Variants in TMEM163 observed in about 807,000 individuals in gnomAD.
TMEM163 encodes transmembrane protein 163.
TMEM163 carries 17 observed loss-of-function variants against 29.3 expected under a neutral mutation model. That is an observed-to-expected ratio of 0.58 (90% CI 0.40 to 0.87). TMEM163 has a LOEUF of 0.87. Ranked by LOEUF, TMEM163 falls within the 40% of genes least tolerant of loss-of-function variation. The pLI is 0.00. For missense variants in TMEM163, 303 were observed against 381.5 expected, an observed-to-expected ratio of 0.79 and a Z score of 1.71; for synonymous variants, 157 against 160.6, an observed-to-expected ratio of 0.98 and a Z score of 0.17.
intron 2 of TMEM163, among the ~76,000 whole-genome samples, chr2:134,699,381 G>C (rs1390189740): frequency 1.3e-5 from 2 of 152,124 alleles, no homozygotes; most frequent in Admixed American, 6.5e-5. Flanking sequence ...GTACACGTCT[G>C]TAGTGCCAGC....
At chr2:134,660,927 A>G (rs1683733376) in intron 2 of TMEM163, among the ~76,000 whole-genome samples, 1 of 152,206 alleles carries the variant, frequency 6.6e-6, no homozygotes, top group African/African-American at 2.4e-5. Flanking sequence ...CCCATGGTTC[A>G]TGTGTTGAAG....
chr2:134,654,246 A>C (rs1433373062), intron 2 of TMEM163, among the ~76,000 whole-genome samples: 1 of 129,570 alleles, frequency 7.7e-6, no homozygotes, highest in East Asian at 2.0e-4. Context: ...TTGGGTGCAT[A>C]TATATTTAGG....
At chr2:134,473,031 G>A (rs1686838064) in intron 5 of TMEM163, among the ~76,000 whole-genome samples, 1 of 152,152 alleles carries the variant, frequency 6.6e-6, no homozygotes, top group African/African-American at 2.4e-5. Flanking sequence ...ATATTTTGAA[G>A]TGAAATAAAG....
At chr2:134,621,454 C>T (rs1574286990) in intron 2 of TMEM163, among the ~76,000 whole-genome samples, 1 of 152,160 alleles carries the variant, frequency 6.6e-6, no homozygotes, top group East Asian at 1.9e-4. Flanking sequence ...TACCCTTTAA[C>T]CCAGAAATTC....
intron 2 of TMEM163, among the ~76,000 whole-genome samples, chr2:134,635,858 G>A (rs1683091846): frequency 6.6e-6 from 1 of 152,108 alleles, no homozygotes; most frequent in Non-Finnish European, 1.5e-5. Flanking sequence ...CCGTGTGGGT[G>A]TGGACACATA....
intron 2 of TMEM163, among the ~76,000 whole-genome samples, chr2:134,572,106 C>A (rs1024005592): frequency 1.3e-5 from 2 of 152,156 alleles, no homozygotes; most frequent in Non-Finnish European, 2.9e-5. Flanking sequence ...CTACACAAGA[C>A]CAAAGTTGAA....
intron 2 of TMEM163, among the ~76,000 whole-genome samples, chr2:134,712,937 G>A (rs984728927): frequency 1.3e-5 from 2 of 152,096 alleles, no homozygotes; most frequent in African/African-American, 2.4e-5. Context: ...TATTCAGCTA[G>A]CAGCCAGCAT....
intron 2 of TMEM163, among the ~76,000 whole-genome samples, chr2:134,591,868 G>A (rs1473727695): frequency 6.7e-6 from 1 of 150,186 alleles, no homozygotes; most frequent in Admixed American, 6.7e-5. Context: ...CTATGAATGT[G>A]CACATGAGGC....
intron 2 of TMEM163, among the ~76,000 whole-genome samples, chr2:134,638,282 A>G (rs1204326813): frequency 1.3e-5 from 2 of 152,348 alleles, no homozygotes; most frequent in East Asian, 3.9e-4. Flanking sequence ...CCCTTTTGCC[A>G]TTACAAAACA....
At chr2:134,507,308 C>T (rs1230849177) in intron 4 of TMEM163, among the ~76,000 whole-genome samples, 1 of 151,816 alleles carries the variant, frequency 6.6e-6, no homozygotes, top group Non-Finnish European at 1.5e-5. Context: ...TACACTCCAG[C>T]CTGGGCAACA....
intron 6 of TMEM163, among the ~76,000 whole-genome samples, chr2:134,465,172 T>C (rs1267985659): frequency 7.2e-6 from 1 of 138,168 alleles, no homozygotes; most frequent in Non-Finnish European, 1.5e-5. Flanking sequence ...GGCAACAACA[T>C]GGTGAGTCCG....
chr2:134,537,063 G>C (rs1680558230), intron 4 of TMEM163, among the ~76,000 whole-genome samples: 1 of 152,162 alleles, frequency 6.6e-6, no homozygotes, highest in African/African-American at 2.4e-5. Context: ...AAAGAACCTT[G>C]GCCACTGTTC....
At chr2:134,665,962 C>A (rs1305333552) in intron 2 of TMEM163, among the ~76,000 whole-genome samples, 1 of 152,200 alleles carries the variant, frequency 6.6e-6, no homozygotes, top group Non-Finnish European at 1.5e-5. Context: ...ATATGCCCCA[C>A]TCAGATCAAC....
intron 4 of TMEM163, among the ~76,000 whole-genome samples, chr2:134,538,939 T>C (rs1476601404): frequency 6.6e-6 from 1 of 152,152 alleles, no homozygotes; most frequent in African/African-American, 2.4e-5. Flanking sequence ...CTGACTATAC[T>C]AAAAGCCATT....
intron 2 of TMEM163, among the ~76,000 whole-genome samples, chr2:134,642,748 C>G (rs898995322): frequency 6.6e-6 from 1 of 151,872 alleles, no homozygotes; most frequent in African/African-American, 2.4e-5. Context: ...CCAAACAACA[C>G]AAGTATAAAT....
intron 4 of TMEM163, among the ~76,000 whole-genome samples, chr2:134,518,311 C>T (rs1295998104): frequency 6.6e-6 from 1 of 152,182 alleles, no homozygotes; most frequent in East Asian, 1.9e-4. Flanking sequence ...TTATCAGATT[C>T]ACAAAATGCT....
intron 2 of TMEM163, among the ~76,000 whole-genome samples, chr2:134,561,587 G>T (rs932436886): frequency 6.6e-6 from 1 of 152,150 alleles, no homozygotes; most frequent in African/African-American, 2.4e-5. Flanking sequence ...CTGACCTCGC[G>T]ATCCGCCTGA....
At chr2:134,571,277 C>T (rs2104785303) in intron 2 of TMEM163, among the ~76,000 whole-genome samples, 1 of 152,248 alleles carries the variant, frequency 6.6e-6, no homozygotes, top group African/African-American at 2.4e-5. Context: ...TACTGTCTCG[C>T]TTTCCATTGA....
chr2:134,574,637 C>T (rs951616128), intron 2 of TMEM163, among the ~76,000 whole-genome samples: 3 of 152,156 alleles, frequency 2.0e-5, no homozygotes, highest in Non-Finnish European at 2.9e-5. Flanking sequence ...TAGTACTTGT[C>T]GGGGTCTTCC....
Sources: allele counts gnomAD v4.1 joint callset (sites outside exome capture counted in the v4.1 genomes callset), GRCh38; gene constraint gnomAD v4.1.1; transcripts MANE v1.5; gene names NCBI Gene and HGNC (gene_info 2026-07-23, HGNC 2026-07-21).